Variants in JAM2 observed in about 807,000 individuals in gnomAD.
JAM2 encodes the protein junctional adhesion molecule B.
Under a neutral mutation model 42.0 loss-of-function variants are expected in JAM2, and 17 were observed. The observed-to-expected ratio is 0.40, with a 90% confidence interval of 0.28 to 0.61. The LOEUF is 0.61. JAM2 is among the 20% of genes least tolerant of loss of function. The probability of loss-of-function intolerance (pLI) is 0.37; values close to 1 mark genes in which losing one functional copy is unlikely to be tolerated. For missense variants in JAM2, 319 were observed against 358.3 expected, an observed-to-expected ratio of 0.89 and a Z score of 0.89; for synonymous variants, 118 against 128.6, an observed-to-expected ratio of 0.92 and a Z score of 0.56.
intron 1 of JAM2, among the ~76,000 whole-genome samples, chr21:25,680,793 TGA>T (rs1427119341): frequency 7.3e-5 from 11 of 149,986 alleles, no homozygotes; most frequent in African/African-American, 2.5e-4. Context: ...GATGGATGGA[TGA>T]CGATCGATGG....
chr21:25,704,792 G>A (rs2034238255), intron 6 of JAM2, among the ~76,000 whole-genome samples: 1 of 152,204 alleles, frequency 6.6e-6, no homozygotes. Flanking sequence ...AAATTGTGTT[G>A]TATGACAGGA....
intron 1 of JAM2, among the ~76,000 whole-genome samples, chr21:25,681,915 G>A (rs2123365921): frequency 6.6e-6 from 1 of 152,314 alleles, no homozygotes; most frequent in East Asian, 1.9e-4. Flanking sequence ...CCGGGAGGCG[G>A]AGCTGGTAGT....
At chr21:25,709,102 C>A (rs1176112557) in intron 7 of JAM2, among the ~76,000 whole-genome samples, 4 of 151,996 alleles carry the variant, frequency 2.6e-5, no homozygotes, top group African/African-American at 9.7e-5. Context: ...CATTCCATTT[C>A]TCTAACTAGT....
intron 1 of JAM2, among the ~76,000 whole-genome samples, chr21:25,662,772 G>A (rs1002300733): frequency 2.0e-5 from 3 of 152,100 alleles, no homozygotes; most frequent in African/African-American, 2.4e-5. Flanking sequence ...AGTACAAGAA[G>A]TTTATACATT....
intron 5 of JAM2, 57 bp downstream of exon 5, chr21:25,698,936 AT>A: frequency 6.9e-7 from 1 of 1,458,414 alleles, no homozygotes; most frequent in Non-Finnish European, 9.6e-7. Context: ...TAAAAAAATT[AT>A]TAGAACTTAA....
chr21:25,654,680 A>G (rs565911107), intron 1 of JAM2, among the ~76,000 whole-genome samples: 2 of 151,644 alleles, frequency 1.3e-5, no homozygotes, highest in Admixed American at 6.6e-5. Flanking sequence ...TTGGAAGCAC[A>G]TAGCACTCCC....
intron 1 of JAM2, among the ~76,000 whole-genome samples, chr21:25,643,301 G>A (rs1164105704): frequency 6.6e-6 from 1 of 152,174 alleles, no homozygotes; most frequent in Non-Finnish European, 1.5e-5. Flanking sequence ...TCCGTGTTTG[G>A]TGGGGTGTTG....
intron 1 of JAM2, among the ~76,000 whole-genome samples, chr21:25,683,465 G>T (rs928658460): frequency 6.6e-6 from 1 of 151,998 alleles, no homozygotes; most frequent in Non-Finnish European, 1.5e-5. Context: ...TATGACATGG[G>T]TATTGTCAAG....
chr21:25,641,859 C>A (rs935408462), intron 1 of JAM2, among the ~76,000 whole-genome samples: 4 of 152,018 alleles, frequency 2.6e-5, no homozygotes, highest in African/African-American at 9.7e-5. Context: ...CTTAGGCTTC[C>A]CTTGCTTTCT....
In JAM2 at chr21:25,715,879, T is replaced by TAAAAAAC. The variant is rs2034468488; in HGVS notation, c.*1212_*1213insACAAAAA. ...CTTCTTTTAATTACTGAATTGATAT[T>TAAAAAAC]AAAAACAAAATATGGCTAGGGCATG... is the stretch of plus-strand genomic sequence containing the variant. On this transcript the variant is annotated 3_prime_UTR_variant, in exon 10 of 10. Coordinates refer to ENST00000480456, the MANE Select transcript of JAM2 (RefSeq NM_021219.4). 1 of 152,176 alleles carries TAAAAAAC rather than the reference T, an allele frequency of 6.6e-6. No homozygotes were observed. Among genetic ancestry groups the TAAAAAAC allele is most frequent in the Non-Finnish European group, 1.5e-5 (1 of 68,026 alleles). The allele number at this position is 152,176 out of a possible 1,614,324, so 9.4% of individuals were successfully genotyped here.
At chr21:25,686,794 G>GA (rs2033761326) in intron 2 of JAM2, among the ~76,000 whole-genome samples, 1 of 152,204 alleles carries the variant, frequency 6.6e-6, no homozygotes, top group Admixed American at 6.5e-5. Flanking sequence ...CCCTGAGAAT[G>GA]AAATCAAAGG....
intron 1 of JAM2, among the ~76,000 whole-genome samples, chr21:25,657,440 G>A (rs1430098103): frequency 6.6e-6 from 1 of 152,144 alleles, no homozygotes; most frequent in African/African-American, 2.4e-5. Context: ...TTAATTTTAT[G>A]AATTATATTT....
rs141041464 is a variant in JAM2 at position 25,697,041 on chromosome 21, C to T, written c.395-1636C>T. Among the ~76,000 whole-genome samples the T allele has an allele frequency of 7.8e-3, 1,129 of 145,168 alleles. 16 individuals carry two copies. The highest frequency in any genetic ancestry group is 0.028 in the African/African-American group (1,076 of 38,902). Reference sequence around the variant, plus strand: ...TTTTTTTTTTGTAGAGACATGATCTCACTATGTTTCCCAGGCTGGTCTCAA... The same window carrying T: ...TTTTTTTTTTGTAGAGACATGATCTTACTATGTTTCCCAGGCTGGTCTCAA... On this transcript the variant is annotated intron_variant, in intron 4 of 9. Coordinates refer to ENST00000480456, the MANE Select transcript of JAM2 (RefSeq NM_021219.4).
chr21:25,676,298 AAAAAAG>A lies in JAM2; in HGVS notation c.68-7573_68-7568del, dbSNP rs1340427431. Among the ~76,000 whole-genome samples the A allele has an allele frequency of 3.0e-3, 434 of 144,972 alleles. 2 individuals carry two copies. The highest frequency in any genetic ancestry group is 9.6e-3 in the African/African-American group (388 of 40,342). On this transcript the variant is annotated intron_variant, in intron 1 of 9. Coordinates refer to ENST00000480456, the MANE Select transcript of JAM2 (RefSeq NM_021219.4). ...GAGAGACTCGTCTCAAAAAAAAAAA[AAAAAAG>A]AAAAAGAAAAAAAAAAAACAACTTA...
intron 1 of JAM2, among the ~76,000 whole-genome samples, chr21:25,679,433 G>A (rs1389722094): frequency 6.6e-6 from 1 of 152,190 alleles, no homozygotes; most frequent in African/African-American, 2.4e-5. Flanking sequence ...TCTCAACCAG[G>A]AGTGATTTCT....
Position 25,670,931 on chromosome 21 carries a change from A to G in JAM2, c.68-12952A>G, listed in dbSNP as rs151302792. On this transcript the variant is annotated intron_variant, in intron 1 of 9. Coordinates refer to ENST00000480456, the MANE Select transcript of JAM2 (RefSeq NM_021219.4). The stretch of plus-strand genomic sequence containing the variant: ...AAGCATGAAGCAACAATGGCTGGGA[A>G]GTTTCCCTTGGTTTTCAAATTTCTT... Among the ~76,000 whole-genome samples the G allele has an allele frequency of 2.0e-5, 3 of 152,336 alleles. No individual in the cohort carries two copies. In the East Asian group the frequency reaches 5.8e-4, roughly 29 times the overall value.
chr21:25,700,893 C>T (rs1171479062), intron 5 of JAM2, among the ~76,000 whole-genome samples: 1 of 152,226 alleles, frequency 6.6e-6, no homozygotes, highest in Non-Finnish European at 1.5e-5. Context: ...GAAAAACCTG[C>T]TGTCACACTT....
chr21:25,697,386 C>T (rs138922626), intron 4 of JAM2, among the ~76,000 whole-genome samples: 2 of 152,028 alleles, frequency 1.3e-5, no homozygotes, highest in Admixed American at 1.3e-4. Flanking sequence ...CTTGGGAGAC[C>T]ACCTTAGAAT....
chr21:25,694,721 T>A (rs1346017767), intron 4 of JAM2, among the ~76,000 whole-genome samples: 1 of 151,974 alleles, frequency 6.6e-6, no homozygotes, highest in Non-Finnish European at 1.5e-5. Flanking sequence ...GCACCTGTAG[T>A]CTCAGCTACT....
Sources: allele counts gnomAD v4.1 joint callset (sites outside exome capture counted in the v4.1 genomes callset), GRCh38; gene constraint gnomAD v4.1.1; transcripts MANE v1.5; gene names NCBI Gene and HGNC (gene_info 2026-07-23, HGNC 2026-07-21).